Variants in RET observed in about 807,000 individuals in gnomAD.
RET encodes ret proto-oncogene.
RET carries 19 observed loss-of-function variants against 118.3 expected under a neutral mutation model. The observed-to-expected ratio is 0.16, with a 90% CI of 0.11 to 0.24. RET has a LOEUF of 0.24. Among genes scored for constraint, RET ranks in the 10% least tolerant of loss-of-function variants. The pLI, the probability that RET is intolerant of heterozygous loss-of-function variation, is 1.00. For missense variants in RET, 1,219 were observed against 1,502.1 expected, an observed-to-expected ratio of 0.81 and a Z score of 3.12; for synonymous variants, 597 against 644.1, an observed-to-expected ratio of 0.93 and a Z score of 1.11.
rs1394078185 is a variant in RET at position 43,093,610 on chromosome 10, G to A, written c.74-6849G>A. 5.9e-5 allele frequency among the ~76,000 whole-genome samples: 9 copies of A among 152,176 alleles called. No homozygotes were observed. The East Asian group carries it at 1.5e-3, about 26-fold the overall frequency. On this transcript the variant is annotated intron_variant, in intron 1 of 19. Transcript: ENST00000355710. ...CATCTGGAGGACAGGGTGCAGAGGA[G>A]GAAACCAGCCGAGGGGGTGAGCAGC...
At chr10:43,080,986 A>T (rs958308794) in intron 1 of RET, among the ~76,000 whole-genome samples, 3 of 152,142 alleles carry the variant, frequency 2.0e-5, no homozygotes, top group Non-Finnish European at 2.9e-5. Context: ...GGCATCAGGG[A>T]TGGGGGTACA....
chr10:43,088,249 G>C (rs896616836), intron 1 of RET, among the ~76,000 whole-genome samples: 11 of 151,824 alleles, frequency 7.2e-5, no homozygotes, highest in Non-Finnish European at 1.5e-4. Flanking sequence ...GGTGATGGTG[G>C]TGGTGGAGGC....
In RET at chr10:43,126,603, C is replaced by T. The variant is rs138912894; in HGVS notation, c.3068C>T (p.Pro1023Leu). Residue 1023 changes from proline to leucine, a missense_variant, in exon 19 of 20, where the codon CCA becomes CTA. Around this residue, in one of 5 missense-constraint regions of RET, gnomAD observed 174 missense variants for 179.3 expected, o/e 0.97. Coordinates refer to ENST00000355710, the MANE Select transcript of RET (RefSeq NM_020975.6). Reference sequence around the variant, plus strand: ...TACTTGGACCTTGCGGCGTCCACTCCATCTGACTCCCTGATTTATGACGAC... The same window carrying T: ...TACTTGGACCTTGCGGCGTCCACTCTATCTGACTCCCTGATTTATGACGAC... The part of the protein sequence containing the change: ...RDYLDLAAST[P>L]SDSLIYDDGL... 4 of 1,614,200 alleles carry T rather than the reference C, an allele frequency of 2.5e-6. No homozygotes were observed. Among genetic ancestry groups the T allele is most frequent in the Non-Finnish European group, 3.4e-6 (4 of 1,180,042 alleles).
intron 3 of RET, among the ~76,000 whole-genome samples, chr10:43,103,383 T>C (rs1347216718): frequency 6.6e-6 from 1 of 151,758 alleles, no homozygotes; most frequent in East Asian, 1.9e-4. Context: ...GGATGTGGGG[T>C]GTGATGCCGG....
intron 3 of RET, among the ~76,000 whole-genome samples, chr10:43,104,374 G>A (rs1327350616): frequency 6.6e-5 from 10 of 152,088 alleles, no homozygotes; most frequent in East Asian, 1.9e-4. Context: ...AAAATTAGCC[G>A]GGCATGGTGG....
intron 1 of RET, among the ~76,000 whole-genome samples, chr10:43,096,248 C>T (rs540679615): frequency 6.6e-6 from 1 of 152,224 alleles, no homozygotes; most frequent in South Asian, 2.1e-4. Context: ...GGCCTTGGTC[C>T]ACAGGCCAGG....
chr10:43,102,655 C>T lies in RET; in HGVS notation c.625+26C>T, dbSNP rs746591753. 5.0e-6 allele frequency: 8 copies of T among 1,613,226 alleles called. No homozygotes were observed. The South Asian group carries it at 6.6e-5, about 13-fold the overall frequency. On this transcript the variant is annotated intron_variant, in intron 3 of 19. Transcript: ENST00000355710. ...GTGAGTGCCGACCTTGTGGGGCCGC[C>T]CCACAGTGCCTGCTACTGCTGGTCT... is the stretch of plus-strand genomic sequence containing the variant.
At chr10:43,126,780 T>C in intron 19 of RET, 58 bp downstream of exon 19, 2 of 1,596,068 alleles carry the variant, frequency 1.3e-6, no homozygotes, top group South Asian at 1.1e-5. Flanking sequence ...TGCACTATCC[T>C]TCCTCTCTGT....
chr10:43,109,736 T>G (rs1837872314), intron 6 of RET, among the ~76,000 whole-genome samples: 2 of 152,354 alleles, frequency 1.3e-5, no homozygotes, highest in Admixed American at 1.3e-4. Flanking sequence ...AAGCGTATAT[T>G]TATATTTGTC....
intron 9 of RET, 85 bp from the exon 10 acceptor site, chr10:43,113,471 G>A (rs980735881): frequency 3.5e-6 from 5 of 1,440,808 alleles, no homozygotes; most frequent in African/African-American, 2.9e-5. Flanking sequence ...TGGGGAGGGG[G>A]CTCCTTGGGA....
intron 1 of RET, among the ~76,000 whole-genome samples, chr10:43,089,149 C>G: frequency 6.6e-6 from 1 of 152,240 alleles, no homozygotes; most frequent in East Asian, 1.9e-4. Context: ...GCCCTTTAAA[C>G]AGGTCAGGCA....
rs142859395 is a variant in RET at position 43,126,625 on chromosome 10, C to T, written c.3090C>T (p.Asp1030=). The T allele has an allele frequency of 1.7e-5, 27 of 1,614,004 alleles. No individual in the cohort carries two copies. In the African/African-American group the frequency reaches 1.7e-4, roughly 10 times the overall value. The part of the protein sequence containing the change: ...ASTPSDSLIY[D]DGLSEEETPL... ...CTCCATCTGACTCCCTGATTTATGA[C>T]GACGGCCTCTCAGAGGAGGAGACAC... Residue 1030 remains aspartate, a synonymous_variant, in exon 19 of 20, where the codon GAC becomes GAT. Transcript: ENST00000355710.
chr10:43,089,001 G>A (rs1837354680), intron 1 of RET, among the ~76,000 whole-genome samples: 1 of 152,216 alleles, frequency 6.6e-6, no homozygotes, highest in Non-Finnish European at 1.5e-5. Flanking sequence ...CTGCAGCCCA[G>A]AGCAGTCCCT....
chr10:43,085,657 G>A (rs746405206), intron 1 of RET, among the ~76,000 whole-genome samples: 2 of 152,226 alleles, frequency 1.3e-5, no homozygotes, highest in African/African-American at 2.4e-5. Context: ...TTTACACAGG[G>A]AGAAATCGAG....
intron 3 of RET, 153 bp from the exon 4 acceptor site, chr10:43,104,799 G>C: frequency 2.5e-6 from 3 of 1,192,900 alleles, no homozygotes; most frequent in Non-Finnish European, 3.5e-6. Context: ...CTCGTGCTCC[G>C]AGCGCTGCCC....
intron 6 of RET, 47 bp from the exon 7 acceptor site, chr10:43,111,160 A>G: frequency 6.2e-7 from 1 of 1,610,062 alleles, no homozygotes; most frequent in Non-Finnish European, 8.5e-7. Flanking sequence ...AGGCCATTAC[A>G]GGCCGGTCCA....
intron 1 of RET, among the ~76,000 whole-genome samples, chr10:43,090,001 G>T (rs1249490647): frequency 3.3e-5 from 5 of 152,240 alleles, no homozygotes; most frequent in African/African-American, 1.2e-4. Context: ...GCACCTGGGA[G>T]CCCTGGGCCA....
intron 7 of RET, among the ~76,000 whole-genome samples, chr10:43,111,769 C>G (rs1030386036): frequency 1.9e-4 from 29 of 152,352 alleles, no homozygotes; most frequent in African/African-American, 7.0e-4. Flanking sequence ...CTCTTAGGAA[C>G]ATGCTGACAC....
Position 43,109,240 on chromosome 10 carries a change from T to C in RET, c.1263+10T>C. On this transcript the variant is annotated intron_variant, in intron 6 of 19. Coordinates refer to ENST00000355710, the MANE Select transcript of RET (RefSeq NM_020975.6). ...TCGCCGATTTGCCCAGGTGAGCCCA[T>C]ACCTATTGCCTGTCTGGGGAAGATT... The C allele has an allele frequency of 2.5e-6, 4 of 1,611,666 alleles. No homozygotes were observed. The highest frequency in any genetic ancestry group is 2.5e-6 in the Non-Finnish European group (3 of 1,179,756).
Sources: gnomAD v4.1 joint callset for allele counts (sites outside exome capture counted in the v4.1 genomes callset) on GRCh38, gnomAD v4.1.1 for gene constraint, gnomAD v4.1.1 regional missense constraint, MANE v1.5 for transcripts, NCBI Gene and HGNC (gene_info 2026-07-23, HGNC 2026-07-21) for gene names.